JAKMIP1: variants seen among roughly 807,000 people sequenced by gnomAD.
JAKMIP1 encodes the protein janus kinase and microtubule-interacting protein 1.
JAKMIP1 carries 33 observed loss-of-function variants against 113.0 expected under a neutral mutation model. The observed-to-expected ratio is 0.29, with a 90% CI of 0.22 to 0.39. JAKMIP1 has a LOEUF of 0.39. Ranked by LOEUF, JAKMIP1 falls within the 10% of genes least tolerant of loss-of-function variation. The pLI is 1.00. For synonymous variants in JAKMIP1, 480 were observed against 459.9 expected, an observed-to-expected ratio of 1.04 and a Z score of -0.56; for missense variants, 813 against 1,080.5, an observed-to-expected ratio of 0.75 and a Z score of 3.47.
Position 6,050,692 on chromosome 4 carries a change from T to G in JAKMIP1, c.1807-13A>C. 1 of 1,545,336 alleles carries G rather than the reference T, an allele frequency of 6.5e-7. No homozygotes were observed. Among genetic ancestry groups the G allele is most frequent in the Non-Finnish European group, 8.8e-7 (1 of 1,140,832 alleles). On this transcript the variant is annotated splice_polypyrimidine_tract_variant and intron_variant, in intron 13 of 20. Coordinates refer to ENST00000409021, the MANE Select transcript of JAKMIP1 (RefSeq NM_001099433.2). The surrounding 1 kb of genome is among the most constrained non-coding windows in gnomAD (Gnocchi z 7.4). The stretch of plus-strand genomic sequence containing the variant: ...TCCTCTCTCTCTCCTGGGGAAAAGA[T>G]TCGGTTTAAAAACAGAATGTGACCG...
chr4:6,139,563 C>G lies in JAKMIP1; in HGVS notation c.-147-26566G>C, dbSNP rs945256277. On this transcript the variant is annotated intron_variant, in intron 1 of 20. Coordinates refer to ENST00000409021, the MANE Select transcript of JAKMIP1 (RefSeq NM_001099433.2). This position sits in a 1 kb window ranked among gnomAD's most constrained non-coding sequence, Gnocchi z 5.2. ...CAGGCGGATCACAAAGTCAGGAGTT[C>G]GAGACCAACCTGGCCAACATAGTGA... 1.3e-5 allele frequency among the ~76,000 whole-genome samples: 2 copies of G among 151,870 alleles called. No individual in the cohort carries two copies. Among genetic ancestry groups the G allele is most frequent in the East Asian group, 3.9e-4 (2 of 5,170 alleles).
chr4:6,029,818 T>C lies in JAKMIP1; in HGVS notation c.2380-37A>G, dbSNP rs368572458. On this transcript the variant is annotated intron_variant, in intron 19 of 20. Coordinates refer to ENST00000409021, the MANE Select transcript of JAKMIP1 (RefSeq NM_001099433.2). Reference sequence around the variant, plus strand: ...CAGGTTACGTGTCAGAAAAAGTAAGTTTTCCAGGTTTAAAAACTCTGTTTT... The same window carrying C: ...CAGGTTACGTGTCAGAAAAAGTAAGCTTTCCAGGTTTAAAAACTCTGTTTT... 20 of 1,409,478 alleles carry C rather than the reference T, an allele frequency of 1.4e-5. 1 individual carries two copies. In the South Asian group the frequency reaches 2.4e-4, roughly 17 times the overall value. The allele number at this position is 1,409,478 out of a possible 1,614,324, so 87.3% of individuals were successfully genotyped here.
rs1725346658 is a variant in JAKMIP1 at position 6,176,433 on chromosome 4, G to T, written c.-148+23820C>A. On this transcript the variant is annotated intron_variant, in intron 1 of 20. Transcript: ENST00000409021. The surrounding 1 kb of genome is among the most constrained non-coding windows in gnomAD (Gnocchi z 5.5). The stretch of plus-strand genomic sequence containing the variant: ...CTCCAGCCTAGCTGAACGGGACCAA[G>T]GAAGGATTTCCGATGTTCAGCTGTA... Among the ~76,000 whole-genome samples the T allele has an allele frequency of 6.6e-6, 1 of 152,176 alleles. No homozygotes were observed. Among genetic ancestry groups the T allele is most frequent in the South Asian group, 2.1e-4 (1 of 4,824 alleles).
rs1392822583 is a variant in JAKMIP1, at chr4:6,085,744, T to C, written c.625-115A>G. On this transcript the variant is annotated intron_variant, in intron 3 of 20. Transcript: ENST00000409021. ...GTCAAAGCAGTGTCTCGGGCCTGGGTCAACTGAATTCAGTAAACTCCAGAC... is the reference window on the plus strand; with the variant it reads ...GTCAAAGCAGTGTCTCGGGCCTGGGCCAACTGAATTCAGTAAACTCCAGAC... The C allele has an allele frequency of 4.8e-5, 41 of 856,072 alleles. 1 individual carries two copies. The Admixed American group carries it at 8.0e-4, about 17-fold the overall frequency. 53.0% of individuals were successfully genotyped at this position (856,072 alleles called of 1,614,324 possible). A position where few individuals can be genotyped will look rare whatever the true frequency, so the allele number is the denominator to read the frequency against.
chr4:6,159,788 T>G (rs1475582984), intron 1 of JAKMIP1, among the ~76,000 whole-genome samples: 1 of 152,228 alleles, frequency 6.6e-6, no homozygotes, highest in Non-Finnish European at 1.5e-5. Context: ...CTGCTTTCGC[T>G]AATAGCTTCA....
intron 1 of JAKMIP1, among the ~76,000 whole-genome samples, chr4:6,144,922 A>T (rs2108969220): frequency 6.6e-6 from 1 of 152,368 alleles, no homozygotes; most frequent in Middle Eastern, 3.4e-3. Context: ...CCAGATCAGA[A>T]AAGAATAAGT....
At chr4:6,057,438 G>A (rs2108778004) in intron 11 of JAKMIP1, among the ~76,000 whole-genome samples, 1 of 152,288 alleles carries the variant, frequency 6.6e-6, no homozygotes, top group Middle Eastern at 3.4e-3. Context: ...GAGTCTTGTT[G>A]TTCTAGGATG....
chr4:6,042,243 G>T lies in JAKMIP1; in HGVS notation c.2029-16C>A. 2 of 1,610,376 alleles carry T rather than the reference G, an allele frequency of 1.2e-6. No homozygotes were observed. The highest frequency in any genetic ancestry group is 1.7e-6 in the Non-Finnish European group (2 of 1,176,850). ...GCTTCAGCCACTAGAAAACAGCAGG[G>T]ACAGGACGGGTGCAGCAAAGTGAGA... On this transcript the variant is annotated splice_polypyrimidine_tract_variant and intron_variant, in intron 16 of 20. Coordinates refer to ENST00000409021, the MANE Select transcript of JAKMIP1 (RefSeq NM_001099433.2). This position sits in a 1 kb window ranked among gnomAD's most constrained non-coding sequence, Gnocchi z 5.2.
In JAKMIP1 at chr4:6,086,934, T is replaced by C. The variant is rs1036400540; in HGVS notation, c.625-1305A>G. 6.6e-6 allele frequency among the ~76,000 whole-genome samples: 1 copy of C among 152,016 alleles called. No homozygotes were observed. Among genetic ancestry groups the C allele is most frequent in the African/African-American group, 2.4e-5 (1 of 41,396 alleles). On this transcript the variant is annotated intron_variant, in intron 3 of 20. Coordinates refer to ENST00000409021, the MANE Select transcript of JAKMIP1 (RefSeq NM_001099433.2). The surrounding 1 kb of genome is among the most constrained non-coding windows in gnomAD (Gnocchi z 4.1). ...AGCATCAGGAAGAGGCTGGGAAAGATCCTCTTCCACAGCCTTAGGGGGAAG... is the reference window on the plus strand; with the variant it reads ...AGCATCAGGAAGAGGCTGGGAAAGACCCTCTTCCACAGCCTTAGGGGGAAG...
chr4:6,160,363 T>C (rs532880238), intron 1 of JAKMIP1, among the ~76,000 whole-genome samples: 1 of 152,260 alleles, frequency 6.6e-6, no homozygotes, highest in East Asian at 1.9e-4. Context: ...TGGAAGACGA[T>C]CCCATTTATA....
At chr4:6,102,896 G>A (rs918489876) in intron 3 of JAKMIP1, among the ~76,000 whole-genome samples, 8 of 151,646 alleles carry the variant, frequency 5.3e-5, no homozygotes, top group East Asian at 1.9e-4. Context: ...ACTGCACCCC[G>A]CTAATTTTTT....
chr4:6,145,256 G>C (rs181466076), intron 1 of JAKMIP1, among the ~76,000 whole-genome samples: 174 of 152,234 alleles, frequency 1.1e-3, no homozygotes, highest in African/African-American at 4.1e-3. Flanking sequence ...TTTCCATGCA[G>C]CATCTCCTTC....
At position 6,084,856 on chromosome 4, in the gene JAKMIP1, C is replaced by T; in HGVS notation, c.944G>A (p.Arg315Lys). 1 of 1,610,146 alleles carries T rather than the reference C, an allele frequency of 6.2e-7. No individual in the cohort carries two copies. Among genetic ancestry groups the T allele is most frequent in the Non-Finnish European group, 8.5e-7 (1 of 1,179,048 alleles). ...CTTGGGGCTACTTACCAGTTCATTC[C>T]TCTCATCTGCCAACAGCGTATTTCT... ...EDRNTLLADERNELLKRSRET... is the reference protein window; with the variant it reads ...EDRNTLLADEKNELLKRSRET... The change falls in exon 5 of 21, where the codon AGG becomes AAG. Residue 315 changes from arginine (R) to lysine (K), a missense_variant. Arg to Lys is a conservative substitution (Grantham distance 26, BLOSUM62 2). This residue lies in a region of JAKMIP1 where 540 missense variants were observed against 653.9 expected (regional missense o/e 0.83). Coordinates refer to ENST00000409021, the MANE Select transcript of JAKMIP1 (RefSeq NM_001099433.2).
rs748881878 is a variant in JAKMIP1, at chr4:6,105,806, C to G, written c.291G>C (p.Gln97His). 1 of 1,609,740 alleles carries G rather than the reference C, an allele frequency of 6.2e-7. No homozygotes were observed. The highest frequency in any genetic ancestry group is 2.2e-5 in the East Asian group (1 of 44,846). Residue 97 changes from glutamine (Q) to histidine (H), a missense_variant, in exon 3 of 21, where the codon CAG becomes CAC. By Grantham distance (24) the Gln-to-His change is conservative (BLOSUM62 0). Transcript: ENST00000409021. The stretch of plus-strand genomic sequence containing the variant: ...TGATCTTGGCGGTGCGCGCCGCCTC[C>G]TGCTCGTGCTGCCGGATGAGCCCCT... ...LREGLIRQHEQEAARTAKIKE... is the reference protein window; with the variant it reads ...LREGLIRQHEHEAARTAKIKE...
rs569032385 is a variant in JAKMIP1, at chr4:6,180,519, A to G, written c.-148+19734T>C. ...AACACAGACACCCCTCTCCCATCAG[A>G]TAATTTACTACAATTCAACAAACAT... is the stretch of plus-strand genomic sequence containing the variant. On this transcript the variant is annotated intron_variant, in intron 1 of 20. Coordinates refer to ENST00000409021, the MANE Select transcript of JAKMIP1 (RefSeq NM_001099433.2). The surrounding 1 kb of genome is among the most constrained non-coding windows in gnomAD (Gnocchi z 4.5). Among the ~76,000 whole-genome samples, 178 of 152,332 alleles carry G rather than the reference A, an allele frequency of 1.2e-3. No individual in the cohort carries two copies. The highest frequency in any genetic ancestry group is 3.7e-3 in the African/African-American group (152 of 41,572).
rs965780261 is a variant in JAKMIP1, at chr4:6,176,460, T to C, written c.-148+23793A>G. Among the ~76,000 whole-genome samples, 2 of 152,146 alleles carry C rather than the reference T, an allele frequency of 1.3e-5. No homozygotes were observed. Among genetic ancestry groups the C allele is most frequent in the Non-Finnish European group, 2.9e-5 (2 of 68,012 alleles). Reference sequence around the variant, plus strand: ...AAGGATTTCCGATGTTCAGCTGTATTGTACATTTTAATCTATTTACCAAGC... The same window carrying C: ...AAGGATTTCCGATGTTCAGCTGTATCGTACATTTTAATCTATTTACCAAGC... On this transcript the variant is annotated intron_variant, in intron 1 of 20. Transcript: ENST00000409021. This position sits in a 1 kb window ranked among gnomAD's most constrained non-coding sequence, Gnocchi z 5.5.
At chr4:6,103,459 A>G (rs183345019) in intron 3 of JAKMIP1, among the ~76,000 whole-genome samples, 2 of 152,294 alleles carry the variant, frequency 1.3e-5, no homozygotes, top group Admixed American at 6.5e-5. Flanking sequence ...AGGTAATCCA[A>G]AAGTTTTCTT....
intron 1 of JAKMIP1, among the ~76,000 whole-genome samples, chr4:6,148,206 G>T (rs187922647): frequency 6.6e-6 from 1 of 152,232 alleles, no homozygotes; most frequent in Admixed American, 6.5e-5. Context: ...AAGTTGAATA[G>T]CAGCTGGAGT....
Position 6,086,515 on chromosome 4 carries a change from T to C in JAKMIP1, c.625-886A>G, listed in dbSNP as rs4688966. The stretch of plus-strand genomic sequence containing the variant: ...AGCCCTGTCTTGTCCAGCCTTCCTA[T>C]GGGGGAGTGTCAGAAAGGACACAGG... On this transcript the variant is annotated intron_variant, in intron 3 of 20. Transcript: ENST00000409021. This position sits in a 1 kb window ranked among gnomAD's most constrained non-coding sequence, Gnocchi z 4.1. Among the ~76,000 whole-genome samples the C allele has an allele frequency of 0.96, 146,337 of 151,872 alleles. 70,743 individuals carry two copies. Among genetic ancestry groups the C allele is most frequent in the Non-Finnish European group, 1 (67,978 of 67,998 alleles).
Sources: gnomAD v4.1 joint callset for allele counts (sites outside exome capture counted in the v4.1 genomes callset) on GRCh38, gnomAD v4.1.1 for gene constraint, gnomAD v4.1.1 regional missense constraint, Gnocchi (gnomAD v3.1) non-coding constraint, MANE v1.5 for transcripts, NCBI Gene and HGNC (gene_info 2026-07-23, HGNC 2026-07-21) for gene names.